The following FNIP1 variants were observed in gnomAD, a reference collection of about 807,000 sequenced individuals.
FNIP1 encodes the protein folliculin interacting protein 1.
In FNIP1, 40 loss-of-function variants were observed where a neutral mutation model predicts 124.5. The ratio of observed to expected loss-of-function variants is 0.32; its 90% CI spans 0.25 to 0.42. The LOEUF (loss-of-function observed/expected upper bound fraction) is 0.42. FNIP1 is among the 10% of genes least tolerant of loss of function. FNIP1 has a pLI of 1.00. For missense variants in FNIP1, 1,176 were observed against 1,403.7 expected (o/e 0.84, Z 2.59); for synonymous variants, 472 against 470.6 (o/e 1.00, Z -0.04).
chr5:131,762,265 A>T (rs952763509), intron 1 of FNIP1, among the ~76,000 whole-genome samples: 1 of 152,224 alleles, frequency 6.6e-6, no homozygotes, highest in African/African-American at 2.4e-5. Flanking sequence ...CAAGTTATAA[A>T]AAGTTTCTGC....
chr5:131,664,634 C>CAAAAAAAA (rs33956526), intron 15 of FNIP1, among the ~76,000 whole-genome samples: 1 of 77,416 alleles, frequency 1.3e-5, no homozygotes, highest in African/African-American at 5.3e-5. Context: ...GACCCTGTCT[C>CAAAAAAAA]AAAAAAAAAA....
chr5:131,659,379 C>T (rs1300699760), intron 15 of FNIP1, among the ~76,000 whole-genome samples: 1 of 152,174 alleles, frequency 6.6e-6, no homozygotes, highest in Non-Finnish European at 1.5e-5. Context: ...ATGGTGATGA[C>T]CTGGCCATCG....
At chr5:131,728,314 C>T (rs909543114) in intron 3 of FNIP1, among the ~76,000 whole-genome samples, 1 of 152,136 alleles carries the variant, frequency 6.6e-6, no homozygotes, top group Non-Finnish European at 1.5e-5. Context: ...TTAGGTACAC[C>T]AATCAAACAC....
At chr5:131,651,098 A>C (rs547223885) in intron 16 of FNIP1, among the ~76,000 whole-genome samples, 2 of 151,506 alleles carry the variant, frequency 1.3e-5, no homozygotes, top group South Asian at 2.1e-4. Flanking sequence ...AAAAAAAAAA[A>C]CAGATATATA....
chr5:131,649,551 A>G (rs374428441), intron 16 of FNIP1, among the ~76,000 whole-genome samples: 9 of 152,196 alleles, frequency 5.9e-5, no homozygotes, highest in African/African-American at 2.2e-4. Context: ...TATTCTGAGT[A>G]TCAATCCCTT....
At chr5:131,737,700 A>T (rs1475205996) in intron 2 of FNIP1, among the ~76,000 whole-genome samples, 2 of 152,240 alleles carry the variant, frequency 1.3e-5, no homozygotes, top group Non-Finnish European at 2.9e-5. Flanking sequence ...ATGTAAAGAT[A>T]GTAAGTGCTA....
intron 2 of FNIP1, 38 bp from the exon 3 acceptor site, chr5:131,731,076 T>A (rs1580792411): frequency 6.4e-7 from 1 of 1,563,888 alleles, no homozygotes; most frequent in Non-Finnish European, 8.6e-7. Context: ...TTTTAACAGA[T>A]TTTTAACCAT....
intron 16 of FNIP1, among the ~76,000 whole-genome samples, chr5:131,648,077 C>T (rs577014417): frequency 2.1e-4 from 32 of 149,696 alleles, no homozygotes; most frequent in African/African-American, 7.6e-4. Flanking sequence ...TACTTGTAAT[C>T]GCAACATTCT....
rs1767780824 is a variant in FNIP1 at position 131,672,253 on chromosome 5, T to C, written c.2191A>G (p.Lys731Glu). The C allele has an allele frequency of 1.9e-6, 3 of 1,614,206 alleles. No individual in the cohort carries two copies. Among genetic ancestry groups the C allele is most frequent in the Admixed American group, 3.3e-5 (2 of 60,028 alleles). The stretch of plus-strand genomic sequence containing the variant: ...GGCACAATCTTATCTGGAGGTTTTT[T>C]TTCCACAACCATTCCTGTGGATCTC... The part of the protein sequence containing the change: ...AMRSTGMVVE[K>E]KPPDKIVPAS... The change falls in exon 14 of 18, where the codon AAA becomes GAA. Residue 731 changes from lysine to glutamate, a missense_variant. By Grantham distance (56) the Lys-to-Glu change is moderately conservative. Coordinates refer to ENST00000510461, the MANE Select transcript of FNIP1 (RefSeq NM_133372.3).
At chr5:131,659,505 C>T (rs767108093) in intron 15 of FNIP1, among the ~76,000 whole-genome samples, 2 of 152,186 alleles carry the variant, frequency 1.3e-5, no homozygotes, top group African/African-American at 4.8e-5. Flanking sequence ...ATTTCCCGCT[C>T]GGCCATGGTG....
intron 13 of FNIP1, among the ~76,000 whole-genome samples, chr5:131,674,343 A>AG (rs1181082235): frequency 6.6e-6 from 1 of 152,202 alleles, no homozygotes; most frequent in Non-Finnish European, 1.5e-5. Flanking sequence ...AGGGGAGGTG[A>AG]GGGGGGCAGG....
chr5:131,738,812 CTTTTTT>C (rs71806851), intron 2 of FNIP1, among the ~76,000 whole-genome samples: 2 of 139,980 alleles, frequency 1.4e-5, no homozygotes, highest in Admixed American at 7.1e-5. Context: ...TGCATCCGGC[CTTTTTT>C]TTTTTTTTGG....
intron 6 of FNIP1, among the ~76,000 whole-genome samples, chr5:131,716,210 G>A (rs1286556949): frequency 6.6e-6 from 1 of 152,140 alleles, no homozygotes; most frequent in Non-Finnish European, 1.5e-5. Context: ...GAAGGAAGAA[G>A]GTGTAATAGT....
At chr5:131,794,672 C>T (rs568943839) in intron 1 of FNIP1, among the ~76,000 whole-genome samples, 2 of 152,240 alleles carry the variant, frequency 1.3e-5, no homozygotes, top group South Asian at 4.1e-4. Context: ...GTGGCTCATC[C>T]CTGTAAGCCC....
At chr5:131,745,559 C>CT (rs757606485) in intron 1 of FNIP1, among the ~76,000 whole-genome samples, 55 of 151,964 alleles carry the variant, frequency 3.6e-4, no homozygotes, top group Non-Finnish European at 7.8e-4. Flanking sequence ...GGCACAATCT[C>CT]TTTAGAACAC....
At chr5:131,700,005 A>G (rs1472316334) in intron 10 of FNIP1, among the ~76,000 whole-genome samples, 2 of 147,116 alleles carry the variant, frequency 1.4e-5, no homozygotes, top group Non-Finnish European at 3.0e-5. Flanking sequence ...TTTTTTTTTA[A>G]GACAGAGTCC....
At chr5:131,741,581 C>G (rs974821635) in intron 2 of FNIP1, among the ~76,000 whole-genome samples, 3 of 152,164 alleles carry the variant, frequency 2.0e-5, no homozygotes, top group Admixed American at 6.5e-5. Context: ...TCTTCATTGA[C>G]AATTCTTTGG....
chr5:131,703,966 C>CA, intron 10 of FNIP1, 99 bp downstream of exon 10: 1 of 1,036,024 alleles, frequency 9.7e-7, no homozygotes, highest in Non-Finnish European at 1.4e-6. Flanking sequence ...GACACATGCA[C>CA]AACGTCTGTT....
chr5:131,780,034 C>G (rs548366973), intron 1 of FNIP1, among the ~76,000 whole-genome samples: 2 of 151,586 alleles, frequency 1.3e-5, no homozygotes, highest in South Asian at 4.2e-4. Flanking sequence ...AACCCTGTCT[C>G]TAGCAAAAAA....
Sources: allele counts gnomAD v4.1 joint callset (sites outside exome capture counted in the v4.1 genomes callset), GRCh38; gene constraint gnomAD v4.1.1; transcripts MANE v1.5; gene names NCBI Gene and HGNC (gene_info 2026-07-23, HGNC 2026-07-21).